MARCHF1: variants seen among roughly 807,000 people sequenced by gnomAD.
MARCHF1 encodes the protein E3 ubiquitin-protein ligase MARCHF1.
Under a neutral mutation model 54.2 loss-of-function variants are expected in MARCHF1, and 40 were observed. The observed-to-expected ratio is 0.74, with a 90% confidence interval of 0.57 to 0.96. The LOEUF (loss-of-function observed/expected upper bound fraction) is 0.96. Among genes scored for constraint, MARCHF1 ranks in the 40% least tolerant of loss-of-function variants. The probability of loss-of-function intolerance (pLI) is 0.00; values close to 1 mark genes in which losing one functional copy is unlikely to be tolerated. For synonymous variants in MARCHF1, 236 were observed against 236.3 expected (o/e 1.00, Z 0.01); for missense variants, 586 against 656.5 (o/e 0.89, Z 1.17).
chr4:164,066,820 A>G (rs1754740304), intron 2 of MARCHF1, among the ~76,000 whole-genome samples: 1 of 152,210 alleles, frequency 6.6e-6, no homozygotes, highest in Non-Finnish European at 1.5e-5. Context: ...CTAAATGATG[A>G]GAACACATGG....
chr4:164,190,112 A>G, intron 1 of MARCHF1: 1 of 1,481,706 alleles, frequency 6.7e-7, no homozygotes, highest in Non-Finnish European at 9.3e-7. Flanking sequence ...GAGATAAAGA[A>G]AAGCTGGGAG....
chr4:164,164,666 G>C (rs929969035), intron 1 of MARCHF1, among the ~76,000 whole-genome samples: 2 of 151,990 alleles, frequency 1.3e-5, no homozygotes, highest in Non-Finnish European at 2.9e-5. Context: ...CATTATGGTG[G>C]TGGAAGAAAA....
chr4:163,992,657 T>C (rs936085630), intron 2 of MARCHF1, among the ~76,000 whole-genome samples: 2 of 150,726 alleles, frequency 1.3e-5, no homozygotes, highest in Non-Finnish European at 3.0e-5. Context: ...GTTATTAGGA[T>C]CACCACTTGA....
chr4:163,612,300 G>A lies in MARCHF1; in HGVS notation c.981C>T (p.Asp327=), dbSNP rs1473447672. ...NPVQKPPATY[D]DGSDNLEVCR... is the part of the protein sequence containing the mutation. ...ATACTTCTAAATTATCAGACCCATC[G>A]TCATAGGTGGCAGGAGGCTTCTGAA... Residue 327 remains aspartate, a synonymous_variant, in exon 7 of 10, where the codon GAC becomes GAT. Coordinates refer to ENST00000514618, the MANE Select transcript of MARCHF1 (RefSeq NM_001394959.1). The A allele has an allele frequency of 9.2e-6, 14 of 1,519,682 alleles. No individual in the cohort carries two copies. Among genetic ancestry groups the A allele is most frequent in the African/African-American group, 1.4e-5 (1 of 71,828 alleles). The allele number at this position is 1,519,682 out of a possible 1,614,324, so 94.1% of individuals were successfully genotyped here. A position where few individuals can be genotyped will look rare whatever the true frequency, so the allele number is the denominator to read the frequency against.
At chr4:164,322,987 A>G (rs1019001172) in intron 1 of MARCHF1, among the ~76,000 whole-genome samples, 2 of 151,984 alleles carry the variant, frequency 1.3e-5, no homozygotes, top group African/African-American at 2.4e-5. Flanking sequence ...AGAATAAATT[A>G]TAAATGGCTG....
chr4:164,142,714 A>G (rs949300804), intron 1 of MARCHF1, among the ~76,000 whole-genome samples: 1 of 152,112 alleles, frequency 6.6e-6, no homozygotes, highest in African/African-American at 2.4e-5. Flanking sequence ...AAACCACAAA[A>G]ATGGGGAAAA....
At chr4:164,367,931 C>A (rs1289404270) in intron 1 of MARCHF1, among the ~76,000 whole-genome samples, 3 of 151,374 alleles carry the variant, frequency 2.0e-5, no homozygotes, top group Non-Finnish European at 4.4e-5. Context: ...ATATGTATAT[C>A]AAAATTTGGC....
At chr4:163,733,258 T>TATACAC (rs1554008879) in intron 4 of MARCHF1, among the ~76,000 whole-genome samples, 1 of 45,066 alleles carries the variant, frequency 2.2e-5, no homozygotes, top group East Asian at 3.9e-4. Flanking sequence ...TATATATATA[T>TATACAC]ACACACACAC....
At chr4:164,258,609 A>T (rs1315568876) in intron 1 of MARCHF1, among the ~76,000 whole-genome samples, 1 of 152,070 alleles carries the variant, frequency 6.6e-6, no homozygotes, top group East Asian at 1.9e-4. Flanking sequence ...TGCCATGTGT[A>T]AAGAATCACA....
At chr4:163,834,540 A>G (rs943670634) in intron 4 of MARCHF1, among the ~76,000 whole-genome samples, 3 of 151,284 alleles carry the variant, frequency 2.0e-5, no homozygotes, top group Admixed American at 6.6e-5. Context: ...TCATGCTGGT[A>G]CACTGCACCC....
At chr4:164,259,397 G>T (rs1269877238) in intron 1 of MARCHF1, among the ~76,000 whole-genome samples, 1 of 151,654 alleles carries the variant, frequency 6.6e-6, no homozygotes, top group Non-Finnish European at 1.5e-5. Flanking sequence ...ACAAAAATTA[G>T]CTGGGAGGTA....
chr4:163,594,561 C>A (rs554248900), intron 7 of MARCHF1, among the ~76,000 whole-genome samples: 16 of 150,846 alleles, frequency 1.1e-4, no homozygotes, highest in Non-Finnish European at 1.5e-5. Context: ...GAACCCACTA[C>A]ATAATTTAAA....
intron 3 of MARCHF1, among the ~76,000 whole-genome samples, chr4:163,986,147 A>G (rs1287094496): frequency 6.6e-6 from 1 of 151,658 alleles, no homozygotes; most frequent in East Asian, 1.9e-4. Context: ...AGCATTTGAA[A>G]CATTATAAGT....
chr4:163,974,474 AACTGTTG>A (rs1438162574), intron 3 of MARCHF1, among the ~76,000 whole-genome samples: 2 of 152,224 alleles, frequency 1.3e-5, no homozygotes, highest in Non-Finnish European at 2.9e-5. Context: ...AGATGATTCC[AACTGTTG>A]AGTTACTCTC....
chr4:163,785,605 T>C (rs1178783494), intron 4 of MARCHF1, among the ~76,000 whole-genome samples: 1 of 152,066 alleles, frequency 6.6e-6, no homozygotes, highest in African/African-American at 2.4e-5. Context: ...TGTTAATGGC[T>C]ATTAATTGAG....
chr4:163,540,327 G>T (rs1370113558), intron 9 of MARCHF1, among the ~76,000 whole-genome samples: 1 of 152,134 alleles, frequency 6.6e-6, no homozygotes, highest in East Asian at 1.9e-4. Flanking sequence ...GAATATTTTG[G>T]CTGGGTGCTT....
At chr4:163,658,427 T>C (rs148088698) in intron 5 of MARCHF1, among the ~76,000 whole-genome samples, 75 of 152,004 alleles carry the variant, frequency 4.9e-4, no homozygotes, top group African/African-American at 1.8e-3. Context: ...TGCAGAGAAA[T>C]AGGAATACTT....
intron 4 of MARCHF1, among the ~76,000 whole-genome samples, chr4:163,833,451 T>A (rs1749088361): frequency 6.6e-6 from 1 of 151,444 alleles, no homozygotes; most frequent in South Asian, 2.1e-4. Flanking sequence ...TGGGAGAAAA[T>A]TTTTGCAACC....
At chr4:163,953,599 C>T (rs1348693061) in intron 3 of MARCHF1, among the ~76,000 whole-genome samples, 2 of 152,014 alleles carry the variant, frequency 1.3e-5, no homozygotes, top group African/African-American at 2.4e-5. Flanking sequence ...AACCCATAGT[C>T]AATAGTAATC....
Sources: allele counts gnomAD v4.1 joint callset (sites outside exome capture counted in the v4.1 genomes callset), GRCh38; gene constraint gnomAD v4.1.1; transcripts MANE v1.5; gene names NCBI Gene and HGNC (gene_info 2026-07-23, HGNC 2026-07-21).